Variants in WWOX observed in about 807,000 individuals in gnomAD.
WWOX encodes the protein WW domain containing oxidoreductase, also known as WW domain-containing oxidoreductase.
Under a neutral mutation model 46.2 loss-of-function variants are expected in WWOX, and 69 were observed. The observed-to-expected ratio is 1.49, with a 90% CI of 1.23 to 1.82. The LOEUF (loss-of-function observed/expected upper bound fraction) is 1.82. WWOX is among the 40% of genes most tolerant of loss of function. The pLI is 0.00. For synonymous variants in WWOX, 359 were observed against 202.6 expected, an observed-to-expected ratio of 1.77 and a Z score of -6.56; for missense variants, 919 against 542.6, an observed-to-expected ratio of 1.69 and a Z score of -6.89.
intron 8 of WWOX, among the ~76,000 whole-genome samples, chr16:79,132,518 T>A (rs954251751): frequency 1.3e-5 from 2 of 152,176 alleles, no homozygotes; most frequent in African/African-American, 4.8e-5. Context: ...GGAGGTAGTC[T>A]TTTCAGGAAT....
intron 8 of WWOX, among the ~76,000 whole-genome samples, chr16:78,626,370 G>A (rs2046311690): frequency 6.6e-6 from 1 of 152,154 alleles, no homozygotes; most frequent in South Asian, 2.1e-4. Context: ...CAGTTTCTCA[G>A]AATTGTCTTT....
chr16:78,522,209 A>T (rs973854054), intron 8 of WWOX, among the ~76,000 whole-genome samples: 1 of 151,892 alleles, frequency 6.6e-6, no homozygotes, highest in Non-Finnish European at 1.5e-5. Flanking sequence ...TACTTTCTTT[A>T]CTAAGGCAGG....
intron 8 of WWOX, among the ~76,000 whole-genome samples, chr16:78,957,613 C>G (rs1003162427): frequency 4.6e-5 from 7 of 152,180 alleles, no homozygotes; most frequent in African/African-American, 1.4e-4. Flanking sequence ...TGAGGTATGT[C>G]TCTTCGGATA....
intron 8 of WWOX, among the ~76,000 whole-genome samples, chr16:78,951,531 A>G (rs2046059854): frequency 6.6e-6 from 1 of 152,172 alleles, no homozygotes; most frequent in Admixed American, 6.5e-5. Flanking sequence ...AAGTCATGTT[A>G]TTGCTGGAAA....
intron 8 of WWOX, among the ~76,000 whole-genome samples, chr16:79,197,851 G>T (rs2051270576): frequency 6.6e-6 from 1 of 152,110 alleles, no homozygotes. Flanking sequence ...GGACTCCAGG[G>T]ATCTTGTGTC....
intron 5 of WWOX, among the ~76,000 whole-genome samples, chr16:78,292,981 C>T (rs2079884177): frequency 6.6e-6 from 1 of 152,202 alleles, no homozygotes; most frequent in African/African-American, 2.4e-5. Flanking sequence ...GTTGAACAGA[C>T]TCTGGAAAAG....
intron 5 of WWOX, among the ~76,000 whole-genome samples, chr16:78,198,042 C>T (rs192810752): frequency 6.6e-6 from 1 of 152,040 alleles, no homozygotes; most frequent in East Asian, 1.9e-4. Context: ...TTCCCTAAAA[C>T]TGTAGTTTAA....
Position 78,386,642 on chromosome 16 carries a change from C to A in WWOX, c.517-218C>A, listed in dbSNP as rs1436834365. On this transcript the variant is annotated intron_variant, in intron 5 of 8. Coordinates refer to ENST00000566780, the MANE Select transcript of WWOX (RefSeq NM_016373.4). ...CAACCCACCCCCCCGCCCCACCCCCCAGCCTGTAGGTTTAGCAGAATCCCA... is the reference window on the plus strand; with the variant it reads ...CAACCCACCCCCCCGCCCCACCCCCAAGCCTGTAGGTTTAGCAGAATCCCA... Among the ~76,000 whole-genome samples, 11 of 149,046 alleles carry A rather than the reference C, an allele frequency of 7.4e-5. No individual in the cohort carries two copies. The East Asian group carries it at 8.0e-4, about 11-fold the overall frequency.
At chr16:78,656,267 A>C (rs1161129078) in intron 8 of WWOX, among the ~76,000 whole-genome samples, 1 of 151,970 alleles carries the variant, frequency 6.6e-6, no homozygotes, top group Non-Finnish European at 1.5e-5. Flanking sequence ...ATGCTATCTG[A>C]TGAGGCCTTT....
At chr16:78,324,265 A>G (rs1419646284) in intron 5 of WWOX, among the ~76,000 whole-genome samples, 1 of 152,062 alleles carries the variant, frequency 6.6e-6, no homozygotes, top group Non-Finnish European at 1.5e-5. Context: ...TCACAGTTGA[A>G]ATGTAGAAGT....
rs186187030 is a variant in WWOX, at chr16:79,192,401, C to T, written c.1057-19207C>T. On this transcript the variant is annotated intron_variant, in intron 8 of 8. Transcript: ENST00000566780. ...ACTCATCACCCCTGTATACCAGACCCAGTGCCAAATACTGGGGAGATGTGT... is the reference window on the plus strand; with the variant it reads ...ACTCATCACCCCTGTATACCAGACCTAGTGCCAAATACTGGGGAGATGTGT... Among the ~76,000 whole-genome samples, 474 of 152,296 alleles carry T rather than the reference C, an allele frequency of 3.1e-3. 5 individuals carry two copies. Among genetic ancestry groups the T allele is most frequent in the Non-Finnish European group, 5.4e-3 (367 of 68,032 alleles).
intron 5 of WWOX, chr16:78,267,225 A>G (rs966196796): frequency 1.3e-5 from 2 of 152,148 alleles, no homozygotes; most frequent in East Asian, 1.9e-4. Flanking sequence ...ACATACACAC[A>G]TGTACCCACA....
chr16:78,158,981 A>G (rs1329504862), intron 4 of WWOX, among the ~76,000 whole-genome samples: 1 of 151,962 alleles, frequency 6.6e-6, no homozygotes, highest in Non-Finnish European at 1.5e-5. Context: ...TTTTGCCTCT[A>G]TGAGTTTGAG....
intron 8 of WWOX, among the ~76,000 whole-genome samples, chr16:78,775,141 G>T (rs759607205): frequency 5.3e-5 from 8 of 152,046 alleles, no homozygotes; most frequent in Admixed American, 1.3e-4. Flanking sequence ...GAAGTGTCTG[G>T]TTCCTGAAAT....
intron 8 of WWOX, among the ~76,000 whole-genome samples, chr16:78,646,458 C>A (rs1320608340): frequency 3.3e-5 from 5 of 152,108 alleles, no homozygotes; most frequent in African/African-American, 9.6e-5. Context: ...GACAAAGTTT[C>A]ACTCTGTCAC....
chr16:78,849,344 G>C lies in WWOX; in HGVS notation c.1057-362264G>C, dbSNP rs572230938. Among the ~76,000 whole-genome samples the C allele has an allele frequency of 1.0e-3, 152 of 151,002 alleles. 4 individuals carry two copies. The highest frequency in any genetic ancestry group is 3.6e-3 in the African/African-American group (149 of 41,132). On this transcript the variant is annotated intron_variant, in intron 8 of 8. Coordinates refer to ENST00000566780, the MANE Select transcript of WWOX (RefSeq NM_016373.4). ...CCAGCACTTTGGGAGGCCGAGGCGG[G>C]GGGGATCACGAGGTCGGGAGATCGA...
At chr16:78,147,588 CTT>C (rs2034242080) in intron 4 of WWOX, among the ~76,000 whole-genome samples, 1 of 149,614 alleles carries the variant, frequency 6.7e-6, no homozygotes, top group South Asian at 2.1e-4. Context: ...AGACTTTAGT[CTT>C]TTCAAGAGGC....
At chr16:78,758,871 A>G (rs1255949580) in intron 8 of WWOX, among the ~76,000 whole-genome samples, 1 of 151,440 alleles carries the variant, frequency 6.6e-6, no homozygotes, top group East Asian at 1.9e-4. Flanking sequence ...TGTGTTCAAG[A>G]TTTGGAAGAG....
chr16:78,732,149 C>T (rs993839004), intron 8 of WWOX, among the ~76,000 whole-genome samples: 5 of 152,078 alleles, frequency 3.3e-5, no homozygotes, highest in Non-Finnish European at 4.4e-5. Context: ...CAGGTGTGAG[C>T]CCCCAACCCC....
Sources: allele counts gnomAD v4.1 joint callset (sites outside exome capture counted in the v4.1 genomes callset), GRCh38; gene constraint gnomAD v4.1.1; transcripts MANE v1.5; gene names NCBI Gene and HGNC (gene_info 2026-07-23, HGNC 2026-07-21).